ABCG2: variants seen among roughly 807,000 people sequenced by gnomAD.
ABCG2 encodes the protein ATP binding cassette subfamily G member 2 (JR blood group).
ABCG2 carries 80 observed loss-of-function variants against 73.5 expected under a neutral mutation model. That is an observed-to-expected ratio of 1.09 (90% CI 0.91 to 1.31). ABCG2 has a LOEUF of 1.31. ABCG2 is among the 50% of genes most tolerant of loss of function. The probability of loss-of-function intolerance (pLI) is 0.00; values close to 1 mark genes in which losing one functional copy is unlikely to be tolerated. For missense variants in ABCG2, 796 were observed against 786.2 expected, an observed-to-expected ratio of 1.01 and a Z score of -0.15; for synonymous variants, 269 against 282.4, an observed-to-expected ratio of 0.95 and a Z score of 0.48.
intron 1 of ABCG2, among the ~76,000 whole-genome samples, chr4:88,175,719 T>A (rs1727936671): frequency 6.6e-6 from 1 of 152,250 alleles, no homozygotes. Context: ...TTCAAGTTAG[T>A]AGTCTCCGCG....
intron 12 of ABCG2, among the ~76,000 whole-genome samples, 187 bp from the exon 13 acceptor site, chr4:88,097,794 C>CA (rs1722090388): frequency 6.6e-6 from 1 of 152,222 alleles, no homozygotes; most frequent in Non-Finnish European, 1.5e-5. Context: ...ATAAAGTTCT[C>CA]TTATAACACT....
At position 88,131,784 on chromosome 4, in the gene ABCG2, C is replaced by T. The variant is rs1724894261; in HGVS notation, c.378+19G>A. On this transcript the variant is annotated intron_variant, in intron 4 of 15. Coordinates refer to ENST00000237612, the MANE Select transcript of ABCG2 (RefSeq NM_004827.3). Reference sequence around the variant, plus strand: ...ATAGAAACAGAGGAAACAGAAAATGCAAACCCACTAATACTTACTTGTACC... The same window carrying T: ...ATAGAAACAGAGGAAACAGAAAATGTAAACCCACTAATACTTACTTGTACC... 6.3e-7 allele frequency: 1 copy of T among 1,588,408 alleles called. No homozygotes were observed. The highest frequency in any genetic ancestry group is 1.1e-5 in the South Asian group (1 of 89,860).
intron 5 of ABCG2, 29 bp from the exon 6 acceptor site, chr4:88,121,821 G>T (rs774512558): frequency 1.1e-5 from 18 of 1,604,088 alleles, no homozygotes; most frequent in Non-Finnish European, 1.4e-5. Context: ...AATTGTCAAT[G>T]ATAACAACCA....
At chr4:88,212,109 A>G (rs1729626598) in intron 1 of ABCG2, among the ~76,000 whole-genome samples, 1 of 152,196 alleles carries the variant, frequency 6.6e-6, no homozygotes, top group African/African-American at 2.4e-5. Flanking sequence ...TGATTGCCCT[A>G]GCTTTAGGTG....
At chr4:88,120,152 T>C (rs1723869285) in intron 6 of ABCG2, among the ~76,000 whole-genome samples, 1 of 152,184 alleles carries the variant, frequency 6.6e-6, no homozygotes, top group African/African-American at 2.4e-5. Flanking sequence ...GCAGCTTCCA[T>C]GTGGTGTTAG....
At chr4:88,163,736 C>A, upstream of ABCG2, 1 of 409,994 alleles carries the variant, frequency 2.4e-6, no homozygotes, top group Non-Finnish European at 4.9e-6. Context: ...CGGAAATTTG[C>A]CATGAAGGAG....
chr4:88,217,149 G>A (rs559152360), intron 1 of ABCG2, among the ~76,000 whole-genome samples: 146 of 151,766 alleles, frequency 9.6e-4, no homozygotes, highest in African/African-American at 3.2e-3. Flanking sequence ...ATATAATATC[G>A]TCCATGATCA....
chr4:88,100,238 G>A (rs182215865), intron 11 of ABCG2, among the ~76,000 whole-genome samples: 2 of 150,212 alleles, frequency 1.3e-5, no homozygotes, highest in African/African-American at 2.4e-5. Flanking sequence ...AGTGGCTCAC[G>A]CCTGTAATCC....
At chr4:88,154,485 G>T (rs1726781825) in intron 1 of ABCG2, among the ~76,000 whole-genome samples, 1 of 152,172 alleles carries the variant, frequency 6.6e-6, no homozygotes, top group Non-Finnish European at 1.5e-5. Flanking sequence ...AGTGGAGGGG[G>T]GCAGAGTGGT....
intron 1 of ABCG2, among the ~76,000 whole-genome samples, chr4:88,186,027 G>C (rs1485773672): frequency 6.6e-6 from 1 of 152,052 alleles, no homozygotes; most frequent in Non-Finnish European, 1.5e-5. Flanking sequence ...CCCCAAAAAA[G>C]GAAATCAGTA....
At chr4:88,141,960 G>C (rs1725679665) in intron 1 of ABCG2, among the ~76,000 whole-genome samples, 1 of 152,078 alleles carries the variant, frequency 6.6e-6, no homozygotes, top group Non-Finnish European at 1.5e-5. Flanking sequence ...TTCAATCGAT[G>C]AGTTTAACAG....
Position 88,098,527 on chromosome 4 carries a change from CAT to C in ABCG2, c.1492+795_1492+796del, listed in dbSNP as rs891485306. 1.3e-3 allele frequency among the ~76,000 whole-genome samples: 201 copies of C among 149,974 alleles called. 1 individual carries two copies. Among genetic ancestry groups the C allele is most frequent in the African/African-American group, 4.6e-3 (189 of 40,868 alleles). ...ATGGGTAATATATATTAAATAAATA[CAT>C]ATATATATATTTAATCATTTTATGT... On this transcript the variant is annotated intron_variant, in intron 12 of 15. Coordinates refer to ENST00000237612, the MANE Select transcript of ABCG2 (RefSeq NM_004827.3).
Position 88,179,748 on chromosome 4 carries a change from T to C in ABCG2, c.-19-39734A>G, listed in dbSNP as rs574288060. Among the ~76,000 whole-genome samples, 4 of 152,184 alleles carry C rather than the reference T, an allele frequency of 2.6e-5. No individual in the cohort carries two copies. In the South Asian group the frequency reaches 8.3e-4, roughly 32 times the overall value. ...AAACAATTGAAATAACTAAAAGGAA[T>C]CAAACAGAAATTATAGAGTTGAAAA... On this transcript the variant is annotated intron_variant, in intron 1 of 15. Transcript: ENST00000515655.
chr4:88,117,604 T>A (rs965552156), intron 7 of ABCG2, among the ~76,000 whole-genome samples: 1 of 152,114 alleles, frequency 6.6e-6, no homozygotes, highest in Non-Finnish European at 1.5e-5. Context: ...GTCACTGCAC[T>A]CCAGCCTGGG....
At chr4:88,104,236 C>T (rs765955519) in intron 10 of ABCG2, among the ~76,000 whole-genome samples, 7 of 152,174 alleles carry the variant, frequency 4.6e-5, no homozygotes, top group African/African-American at 1.4e-4. Context: ...CTCAGTTACA[C>T]GGGTTAGAGA....
Position 88,095,568 on chromosome 4 carries a change from A to C in ABCG2, c.1689T>G (p.Ser563=). 6.2e-7 allele frequency: 1 copy of C among 1,613,866 alleles called. No homozygotes were observed. Residue 563 remains serine (S), a synonymous_variant, in exon 14 of 16, where the codon TCT becomes TCG. Transcript: ENST00000237612. ...TGAAGTACTGAAGCCATGACAGCCA[A>C]GATGCAATGGTTGTGAGATTGACCA... ...GLLVNLTTIA[S]WLSWLQYFSI...
chr4:88,108,286 G>GC (rs1164259265), intron 9 of ABCG2, among the ~76,000 whole-genome samples: 1 of 152,096 alleles, frequency 6.6e-6, no homozygotes, highest in Non-Finnish European at 1.5e-5. Context: ...AATTTGGGAG[G>GC]CCGAGGGGGC....
At chr4:88,116,046 T>C (rs1321024289) in intron 7 of ABCG2, among the ~76,000 whole-genome samples, 1 of 152,022 alleles carries the variant, frequency 6.6e-6, no homozygotes, top group Non-Finnish European at 1.5e-5. Flanking sequence ...AACACAAAAA[T>C]TAGCCAGGTG....
intron 4 of ABCG2, 114 bp downstream of exon 4, chr4:88,131,689 G>T: frequency 1.4e-6 from 1 of 703,786 alleles, no homozygotes; most frequent in Non-Finnish European, 2.4e-6. Flanking sequence ...TGTAAAGAAC[G>T]TCAGTTCTAG....
Sources: gnomAD v4.1 joint callset for allele counts (sites outside exome capture counted in the v4.1 genomes callset) on GRCh38, gnomAD v4.1.1 for gene constraint, MANE v1.5 for transcripts, NCBI Gene and HGNC (gene_info 2026-07-23, HGNC 2026-07-21) for gene names.